Variants in LAMA5 observed in about 807,000 individuals in gnomAD.
The protein encoded by LAMA5 is laminin subunit alpha 5.
A neutral mutation model predicts 433.4 loss-of-function variants in LAMA5; 260 were observed. The ratio of observed to expected loss-of-function variants is 0.60; its 90% CI spans 0.54 to 0.66. The LOEUF (loss-of-function observed/expected upper bound fraction) is 0.66, where lower values mean the gene tolerates loss of function less well. Among genes scored for constraint, LAMA5 ranks in the 30% least tolerant of loss-of-function variants. The pLI, the probability that LAMA5 is intolerant of heterozygous loss-of-function variation, is 0.00. For missense variants in LAMA5, 5,378 were observed against 5,258.5 expected (o/e 1.02, Z -0.70); for synonymous variants, 2,620 against 2,226.6 (o/e 1.18, Z -4.97).
rs766676683 is a variant in LAMA5, at chr20:62,351,658, G to A, written c.956+46C>T. 4.6e-6 allele frequency: 7 copies of A among 1,535,262 alleles called. No individual in the cohort carries two copies. The Admixed American group carries it at 1.3e-4, about 28-fold the overall frequency. On this transcript the variant is annotated intron_variant, in intron 6 of 79. Transcript: ENST00000252999. The stretch of plus-strand genomic sequence containing the variant: ...GGGTGACAAGGACAGGCAGGGAGCT[G>A]GGGGGGGCCTCACCTGAACGGGGCC...
Position 62,310,670 on chromosome 20 carries a change from G to A in LAMA5, c.10441C>T (p.Leu3481Phe). The A allele has an allele frequency of 1.2e-6, 2 of 1,603,112 alleles. No homozygotes were observed. The highest frequency in any genetic ancestry group is 8.5e-7 in the Non-Finnish European group (1 of 1,178,436). ...TGGGGCAAGATGGTTCTCACCGGAA[G>A]TTTGGAGCTGTGGCTGCTGGCCGGG... Reference protein sequence around the residue: ...GLPASSHSSKLPVTVGFSGCV... With the variant: ...GLPASSHSSKFPVTVGFSGCV... The change falls in exon 75 of 80, where the codon CTT becomes TTT. Residue 3481 changes from leucine (L) to phenylalanine (F), a missense_variant. By Grantham distance (22) the Leu-to-Phe change is conservative (BLOSUM62 0). Transcript: ENST00000252999.
intron 45 of LAMA5, 35 bp downstream of exon 45, chr20:62,323,421 T>C: frequency 6.7e-7 from 1 of 1,485,582 alleles, no homozygotes; most frequent in South Asian, 1.3e-5. Context: ...CGCGCAACCC[T>C]CCCCAGGGTG....
rs777812313 is a variant in LAMA5, at chr20:62,351,962, G to C, written c.805C>G (p.Leu269Val). 6.2e-7 allele frequency: 1 copy of C among 1,612,438 alleles called. No homozygotes were observed. Among genetic ancestry groups the C allele is most frequent in the Non-Finnish European group, 8.5e-7 (1 of 1,179,814 alleles). ...VRLRFLRTNT[L>V]LGHLMGKALR... ...GCCTTCCCCATGAGATGGCCCAGCA[G>C]CGTGTTGGTACGCAGGAAGCGCAGG... The change falls in exon 5 of 80, where the codon CTG (leucine) becomes GTG (valine). Residue 269 changes from leucine to valine, a missense_variant. By Grantham distance (32) the Leu-to-Val change is conservative (BLOSUM62 1). Coordinates refer to ENST00000252999, the MANE Select transcript of LAMA5 (RefSeq NM_005560.6).
rs774858001 is a variant in LAMA5, at chr20:62,327,271, G to GCTCGGGGAAAGC, written c.5062_5073dup (p.Ala1688_Glu1691dup). 18 of 1,560,338 alleles carry GCTCGGGGAAAGC rather than the reference G, an allele frequency of 1.2e-5. No individual in the cohort carries two copies. The highest frequency in any genetic ancestry group is 4.5e-5 in the East Asian group (2 of 44,036). On this transcript the variant is annotated inframe_insertion, in exon 38 of 80. Transcript: ENST00000252999. ...TAGGAGGGTGGGGCCTGCCAGTACA[G>GCTCGGGGAAAGC]CTCGGGGAAAGCCTCGGGCACAGCC... is the stretch of plus-strand genomic sequence containing the variant.
intron 14 of LAMA5, 36 bp from the exon 15 acceptor site, chr20:62,337,974 T>C: frequency 1.9e-6 from 3 of 1,596,884 alleles, no homozygotes; most frequent in African/African-American, 2.7e-5. Context: ...CCTGGCGCCA[T>C]GTGGGTGGCA....
chr20:62,327,787 G>T, intron 36 of LAMA5, 79 bp downstream of exon 36: 2 of 1,568,936 alleles, frequency 1.3e-6, no homozygotes, highest in African/African-American at 1.3e-5. Flanking sequence ...AGCCCCAGCT[G>T]CCCCGAAAGG....
At chr20:62,332,808 G>A (rs1601353147) in intron 26 of LAMA5, 91 bp from the exon 27 acceptor site, 1 of 1,490,526 alleles carries the variant, frequency 6.7e-7, no homozygotes, top group African/African-American at 1.4e-5. Context: ...TGACCCCAGG[G>A]CCTGCCCTTC....
chr20:62,317,270 G>T, intron 55 of LAMA5, 75 bp downstream of exon 55: 1 of 1,425,358 alleles, frequency 7.0e-7, no homozygotes, highest in South Asian at 1.4e-5. Flanking sequence ...AGCCTTCCCA[G>T]ACCAGCTGGC....
Position 62,345,894 on chromosome 20 carries a change from C to T in LAMA5, c.1418-17G>A, listed in dbSNP as rs375492208. 2.0e-4 allele frequency: 315 copies of T among 1,556,324 alleles called. No individual in the cohort carries two copies. Among genetic ancestry groups the T allele is most frequent in the Middle Eastern group, 8.3e-4 (5 of 5,994 alleles). ...AGGGCGTCGCTGAGGGGAAGAGACACGCATGTTGGCCAGGTCTGCTCAGAA... is the reference window on the plus strand; with the variant it reads ...AGGGCGTCGCTGAGGGGAAGAGACATGCATGTTGGCCAGGTCTGCTCAGAA... On this transcript the variant is annotated splice_polypyrimidine_tract_variant and intron_variant, in intron 10 of 79. Coordinates refer to ENST00000252999, the MANE Select transcript of LAMA5 (RefSeq NM_005560.6).
At chr20:62,343,557 C>T (rs1188943047) in intron 11 of LAMA5, among the ~76,000 whole-genome samples, 1 of 152,140 alleles carries the variant, frequency 6.6e-6, no homozygotes, top group Non-Finnish European at 1.5e-5. Context: ...GGGCAGATCC[C>T]TTGAGGTCAG....
At chr20:62,343,765 A>C (rs1982942362) in intron 11 of LAMA5, among the ~76,000 whole-genome samples, 1 of 148,896 alleles carries the variant, frequency 6.7e-6, no homozygotes, top group African/African-American at 2.5e-5. Flanking sequence ...AACTAGAGTG[A>C]AACTCCATCA....
chr20:62,338,122 C>T lies in LAMA5; in HGVS notation c.1785G>A (p.Leu595=). The T allele has an allele frequency of 1.3e-6, 2 of 1,594,342 alleles. No homozygotes were observed. The change falls in exon 14 of 80, where the codon TTG becomes TTA. Residue 595 remains leucine, a synonymous_variant. Coordinates refer to ENST00000252999, the MANE Select transcript of LAMA5 (RefSeq NM_005560.6). ...GGCCGGCCTCATCGCAGCCCTCGGG[C>T]AAGGTTCCTGCAGGGCTGCAGCCAC... is the stretch of plus-strand genomic sequence containing the variant. The part of the protein sequence containing the change: ...QLCGCSPAGT[L]PEGCDEAGRC...
chr20:62,314,980 C>G lies in LAMA5; in HGVS notation c.8048-33G>C, dbSNP rs370454951. The G allele has an allele frequency of 2.5e-6, 4 of 1,577,102 alleles. No homozygotes were observed. The African/African-American group carries it at 5.4e-5, about 21-fold the overall frequency. ...GAGGGAGACCTGAGACCTTTGCCCC[C>G]CACCGTGCCCGCCTCCATCAGGGGC... is the stretch of plus-strand genomic sequence containing the variant. On this transcript the variant is annotated intron_variant, in intron 59 of 79. Coordinates refer to ENST00000252999, the MANE Select transcript of LAMA5 (RefSeq NM_005560.6).
At chr20:62,356,122 C>G (rs964526076) in intron 2 of LAMA5, 17 of 152,274 alleles carry the variant, frequency 1.1e-4, no homozygotes, top group African/African-American at 4.1e-4. Context: ...CTTCGCCCTC[C>G]CCACCCCTGG....
chr20:62,334,409 G>GCCCC, intron 21 of LAMA5, 67 bp from the exon 22 acceptor site: 1 of 1,525,082 alleles, frequency 6.6e-7, no homozygotes, highest in Non-Finnish European at 8.8e-7. Context: ...AGCGGCCCCG[G>GCCCC]GTCTCCAGGG....
In LAMA5 at chr20:62,312,237, A is replaced by G; in HGVS notation, c.9440T>C (p.Val3147Ala). Residue 3147 changes from valine to alanine, a missense_variant, in exon 69 of 80, where the codon GTC (valine) becomes GCC (alanine). Transcript: ENST00000252999. ...GCTGTGGAAGCCGAAGCCGGAGTAG[A>G]CGTTGCCAGTGAGCGGTGCCACGTT... ...LSNVAPLTGNVYSGFGFHSAQ... is the reference protein window; with the variant it reads ...LSNVAPLTGNAYSGFGFHSAQ... 2.5e-6 allele frequency: 4 copies of G among 1,611,122 alleles called. No homozygotes were observed. Among genetic ancestry groups the G allele is most frequent in the Non-Finnish European group, 3.4e-6 (4 of 1,179,430 alleles).
At chr20:62,334,425 G>A in intron 21 of LAMA5, 83 bp from the exon 22 acceptor site, 1 of 1,514,956 alleles carries the variant, frequency 6.6e-7, no homozygotes, top group Non-Finnish European at 8.9e-7. Context: ...CAGGGAGGGT[G>A]AGGCCTCACG....
chr20:62,340,072 A>C (rs1316449366), intron 11 of LAMA5, among the ~76,000 whole-genome samples: 1 of 152,138 alleles, frequency 6.6e-6, no homozygotes, highest in Non-Finnish European at 1.5e-5. Context: ...GACAGAGGGA[A>C]GCTCAGGCAT....
chr20:62,355,796 G>A (rs1195677554), intron 2 of LAMA5, among the ~76,000 whole-genome samples: 3 of 152,050 alleles, frequency 2.0e-5, no homozygotes, highest in Non-Finnish European at 2.9e-5. Flanking sequence ...CCCAGGTGGG[G>A]GCCAGTGGCC....
Sources: allele counts gnomAD v4.1 joint callset (sites outside exome capture counted in the v4.1 genomes callset), GRCh38; gene constraint gnomAD v4.1.1; transcripts MANE v1.5; gene names NCBI Gene and HGNC (gene_info 2026-07-23, HGNC 2026-07-21).